The following C3orf70 variants were observed in gnomAD, a reference collection of about 807,000 sequenced individuals.
The protein encoded by C3orf70 is chromosome 3 open reading frame 70.
A neutral mutation model predicts 20.7 loss-of-function variants in C3orf70; 15 were observed. The observed-to-expected ratio is 0.72, with a 90% CI of 0.48 to 1.11. The LOEUF (loss-of-function observed/expected upper bound fraction) is 1.11. Ranked by LOEUF, C3orf70 falls within the 50% of genes most tolerant of loss-of-function variation. The pLI is 0.00. For missense variants in C3orf70, 332 were observed against 317.6 expected (o/e 1.05, Z -0.34); for synonymous variants, 161 against 125.7 (o/e 1.28, Z -1.88).
At chr3:185,106,679 C>A (rs2108594376) in intron 1 of C3orf70, among the ~76,000 whole-genome samples, 1 of 152,376 alleles carries the variant, frequency 6.6e-6, no homozygotes, top group South Asian at 2.1e-4. Flanking sequence ...TGTACAATGT[C>A]TGTCCCCCGC....
intron 1 of C3orf70, among the ~76,000 whole-genome samples, chr3:185,125,022 G>A (rs1203695792): frequency 5.3e-5 from 8 of 152,082 alleles, no homozygotes; most frequent in Admixed American, 3.3e-4. Context: ...GTGCTGGCAA[G>A]GATGTAGAGC....
At chr3:185,142,320 T>A (rs1716771275) in intron 1 of C3orf70, among the ~76,000 whole-genome samples, 2 of 152,124 alleles carry the variant, frequency 1.3e-5, no homozygotes, top group South Asian at 4.1e-4. Context: ...GAGCCAGGCA[T>A]GGTGGCATGC....
intron 1 of C3orf70, among the ~76,000 whole-genome samples, chr3:185,087,950 T>A (rs1018727212): frequency 6.6e-6 from 1 of 150,430 alleles, no homozygotes; most frequent in African/African-American, 2.5e-5. Context: ...CTCTCTCTGC[T>A]GCGCAGGCTG....
intron 1 of C3orf70, among the ~76,000 whole-genome samples, chr3:185,117,438 C>G: frequency 7.2e-6 from 1 of 139,446 alleles, no homozygotes. Flanking sequence ...CACACACACA[C>G]ACACACACAC....
At chr3:185,107,828 C>T (rs1360303981) in intron 1 of C3orf70, among the ~76,000 whole-genome samples, 1 of 152,170 alleles carries the variant, frequency 6.6e-6, no homozygotes, top group Non-Finnish European at 1.5e-5. Context: ...AAAAAATTGG[C>T]CTTTAATAGT....
chr3:185,149,587 A>C (rs1472607527), intron 1 of C3orf70, among the ~76,000 whole-genome samples: 1 of 152,248 alleles, frequency 6.6e-6, no homozygotes, highest in Non-Finnish European at 1.5e-5. Flanking sequence ...AATTCTGCTT[A>C]GGACTGATAC....
chr3:185,111,213 C>T (rs1230593875), intron 1 of C3orf70, among the ~76,000 whole-genome samples: 2 of 151,808 alleles, frequency 1.3e-5, no homozygotes, highest in Non-Finnish European at 2.9e-5. Context: ...TTTGTTAAAG[C>T]ATAAGCAATG....
In C3orf70 at chr3:185,117,425, A is replaced by C. The variant is rs1484479011; in HGVS notation, c.197-33862T>G. ...ATTTGTGTACCACACACATACACAC[A>C]CACACACACACACACACACACACAC... On this transcript the variant is annotated intron_variant, in intron 1 of 1. Transcript: ENST00000335012. Among the ~76,000 whole-genome samples, 6 of 133,564 alleles carry C rather than the reference A, an allele frequency of 4.5e-5. No homozygotes were observed. The South Asian group carries it at 1.3e-3, about 28-fold the overall frequency. The allele number at this position is 133,564 out of a possible 152,430, so 87.6% of individuals were successfully genotyped here. A position where few individuals can be genotyped will look rare whatever the true frequency, so the allele number is the denominator to read the frequency against.
intron 1 of C3orf70, among the ~76,000 whole-genome samples, chr3:185,150,980 C>G (rs1716979175): frequency 6.6e-6 from 1 of 152,092 alleles, no homozygotes; most frequent in Non-Finnish European, 1.5e-5. Flanking sequence ...GCCAGGGATA[C>G]AGAGAGAAGA....
At chr3:185,096,293 C>G (rs547563413) in intron 1 of C3orf70, among the ~76,000 whole-genome samples, 1 of 152,252 alleles carries the variant, frequency 6.6e-6, no homozygotes, top group Admixed American at 6.5e-5. Flanking sequence ...ACTTCATTGT[C>G]TGTCTAACTA....
At chr3:185,088,617 G>A (rs1219559705) in intron 1 of C3orf70, among the ~76,000 whole-genome samples, 2 of 151,998 alleles carry the variant, frequency 1.3e-5, no homozygotes, top group Admixed American at 1.3e-4. Flanking sequence ...TGTATTAGGA[G>A]GTACATGCTG....
intron 1 of C3orf70, among the ~76,000 whole-genome samples, chr3:185,107,579 AT>A (rs1715971747): frequency 6.6e-6 from 1 of 152,228 alleles, no homozygotes; most frequent in Non-Finnish European, 1.5e-5. Context: ...AGATAAGCCA[AT>A]TTGGATAGAA....
At chr3:185,149,732 T>C (rs185643463) in intron 1 of C3orf70, among the ~76,000 whole-genome samples, 126 of 152,300 alleles carry the variant, frequency 8.3e-4, no homozygotes, top group African/African-American at 3.0e-3. Context: ...CCTAGCTGCT[T>C]TAAATGAAGT....
At chr3:185,113,449 G>A (rs1031912489) in intron 1 of C3orf70, among the ~76,000 whole-genome samples, 1 of 152,182 alleles carries the variant, frequency 6.6e-6, no homozygotes, top group Non-Finnish European at 1.5e-5. Context: ...ATGGCTGAAA[G>A]TAAGTGTCTG....
chr3:185,146,400 G>A (rs555865438), intron 1 of C3orf70, among the ~76,000 whole-genome samples: 267 of 146,074 alleles, frequency 1.8e-3, no homozygotes, highest in African/African-American at 6.3e-3. Context: ...CGATTCTCCT[G>A]CCTCAGCCTC....
At chr3:185,117,217 T>C (rs1716193121) in intron 1 of C3orf70, among the ~76,000 whole-genome samples, 1 of 152,214 alleles carries the variant, frequency 6.6e-6, no homozygotes, top group Non-Finnish European at 1.5e-5. Flanking sequence ...TAGCACAATC[T>C]AGGAATTTCC....
chr3:185,128,646 G>A (rs1716463477), intron 1 of C3orf70, among the ~76,000 whole-genome samples: 1 of 151,998 alleles, frequency 6.6e-6, no homozygotes, highest in African/African-American at 2.4e-5. Flanking sequence ...ACTTAGTCCA[G>A]AAAAACATAA....
chr3:185,134,884 C>T (rs560530785), intron 1 of C3orf70, among the ~76,000 whole-genome samples: 1 of 152,172 alleles, frequency 6.6e-6, no homozygotes, highest in South Asian at 2.1e-4. Flanking sequence ...AGCAAAAACT[C>T]CCACTCCCAC....
At chr3:185,096,695 C>T (rs1216755250) in intron 1 of C3orf70, among the ~76,000 whole-genome samples, 1 of 152,180 alleles carries the variant, frequency 6.6e-6, no homozygotes, top group Non-Finnish European at 1.5e-5. Context: ...GCACCCAGAA[C>T]GTGTGGTTCC....
Sources: gnomAD v4.1 joint callset for allele counts (sites outside exome capture counted in the v4.1 genomes callset) on GRCh38, gnomAD v4.1.1 for gene constraint, MANE v1.5 for transcripts, NCBI Gene and HGNC (gene_info 2026-07-23, HGNC 2026-07-21) for gene names.